EIF4EBP2: variants seen among roughly 807,000 people sequenced by gnomAD.
EIF4EBP2 encodes the protein eukaryotic translation initiation factor 4E binding protein 2.
Under a neutral mutation model 10.3 loss-of-function variants are expected in EIF4EBP2, and 5 were observed. The ratio of observed to expected loss-of-function variants is 0.48; its 90% CI spans 0.25 to 1.02. The LOEUF (loss-of-function observed/expected upper bound fraction) is 1.02. Among genes scored for constraint, EIF4EBP2 ranks in the 50% least tolerant of loss-of-function variants. The pLI, the probability that EIF4EBP2 is intolerant of heterozygous loss-of-function variation, is 0.15. For missense variants in EIF4EBP2, 188 were observed against 162.2 expected (o/e 1.16, Z -0.86); for synonymous variants, 67 against 61.1 (o/e 1.10, Z -0.45).
intron 1 of EIF4EBP2, among the ~76,000 whole-genome samples, chr10:70,411,845 C>T (rs539211150): frequency 6.6e-6 from 1 of 152,300 alleles, no homozygotes; most frequent in East Asian, 1.9e-4. Context: ...GTATATACTT[C>T]TGTCTCCTAT....
At chr10:70,410,208 T>A (rs1392902617) in intron 1 of EIF4EBP2, among the ~76,000 whole-genome samples, 1 of 152,116 alleles carries the variant, frequency 6.6e-6, no homozygotes, top group African/African-American at 2.4e-5. Context: ...TAGCTGGGAT[T>A]ACGGGCGCCC....
chr10:70,407,734 C>CCCCCA (rs1564660160), intron 1 of EIF4EBP2, among the ~76,000 whole-genome samples: 1 of 136,996 alleles, frequency 7.3e-6, no homozygotes, highest in African/African-American at 2.7e-5. Context: ...GGGCTGACCC[C>CCCCCA]CCCCCCACCT....
chr10:70,406,770 T>C (rs1047040905), intron 1 of EIF4EBP2, among the ~76,000 whole-genome samples: 3 of 152,218 alleles, frequency 2.0e-5, no homozygotes, highest in Non-Finnish European at 4.4e-5. Flanking sequence ...TCACTTAACT[T>C]CCCCCGACAT....
intron 1 of EIF4EBP2, among the ~76,000 whole-genome samples, chr10:70,406,201 T>C (rs1284960645): frequency 6.6e-6 from 1 of 152,208 alleles, no homozygotes; most frequent in Non-Finnish European, 1.5e-5. Context: ...AGGCTCGTCC[T>C]GGGCTCAAGT....
At chr10:70,415,392 A>T (rs1845083766) in intron 1 of EIF4EBP2, among the ~76,000 whole-genome samples, 1 of 152,232 alleles carries the variant, frequency 6.6e-6, no homozygotes. Context: ...CTTCACATTC[A>T]GCACAGTCCC....
chr10:70,405,533 C>T (rs763323135), intron 1 of EIF4EBP2, among the ~76,000 whole-genome samples: 1 of 152,222 alleles, frequency 6.6e-6, no homozygotes, highest in Non-Finnish European at 1.5e-5. Flanking sequence ...GGAACGGGGC[C>T]TCCTTTTTAA....
At chr10:70,407,307 GTGA>G (rs1258994277) in intron 1 of EIF4EBP2, among the ~76,000 whole-genome samples, 12 of 152,058 alleles carry the variant, frequency 7.9e-5, no homozygotes, top group Non-Finnish European at 1.5e-4. Context: ...TTAGGGAGTG[GTGA>G]TGACTCTTAA....
At chr10:70,407,438 C>A (rs1305102853) in intron 1 of EIF4EBP2, among the ~76,000 whole-genome samples, 9 of 152,138 alleles carry the variant, frequency 5.9e-5, no homozygotes, top group African/African-American at 1.9e-4. Flanking sequence ...GGGGTAAGGT[C>A]ACAGATCAAC....
intron 1 of EIF4EBP2, among the ~76,000 whole-genome samples, chr10:70,414,871 G>A (rs560276958): frequency 2.4e-4 from 36 of 151,298 alleles, no homozygotes; most frequent in Non-Finnish European, 4.6e-4. Context: ...CATCTCAAAA[G>A]CAAAAACAAA....
chr10:70,422,925 C>T lies in EIF4EBP2; in HGVS notation c.*1178C>T, dbSNP rs916021925. ...CATGGGCTTAAAAAATGTGTTCCTCCCAGTTTTCTTGCCTTTCCTGTTGTA... is the reference window on the plus strand; with the variant it reads ...CATGGGCTTAAAAAATGTGTTCCTCTCAGTTTTCTTGCCTTTCCTGTTGTA... On this transcript the variant is annotated 3_prime_UTR_variant, in exon 3 of 3. Coordinates refer to ENST00000373218, the MANE Select transcript of EIF4EBP2 (RefSeq NM_004096.5). 1.3e-5 allele frequency: 2 copies of T among 152,126 alleles called. No homozygotes were observed. The highest frequency in any genetic ancestry group is 4.8e-5 in the African/African-American group (2 of 41,380). 9.4% of individuals were successfully genotyped at this position (152,126 alleles called of 1,614,324 possible).
rs1421420453 is a variant in EIF4EBP2 at position 70,421,742 on chromosome 10, A to C, written c.358A>C (p.Ile120Leu). 9.3e-6 allele frequency: 15 copies of C among 1,613,292 alleles called. No individual in the cohort carries two copies. The highest frequency in any genetic ancestry group is 1.2e-5 in the Non-Finnish European group (14 of 1,179,860). The stretch of plus-strand genomic sequence containing the variant: ...GGATGATGCTCAGTTCGAGATGGAC[A>C]TCTGACTCTCCTGCAAGGATTAGAA... Reference protein sequence around the residue: ...VGDDAQFEMDI With the variant: ...VGDDAQFEMDL The change falls in exon 3 of 3, where the codon ATC becomes CTC. Residue 120 changes from isoleucine to leucine, a missense_variant. By Grantham distance (5) the Ile-to-Leu change is conservative. Transcript: ENST00000373218.
At chr10:70,406,114 T>C (rs949070836) in intron 1 of EIF4EBP2, among the ~76,000 whole-genome samples, 1 of 152,096 alleles carries the variant, frequency 6.6e-6, no homozygotes, top group African/African-American at 2.4e-5. Context: ...CCTGAGTAGC[T>C]GGACCACAGG....
chr10:70,418,510 G>A (rs1010795909), intron 1 of EIF4EBP2, among the ~76,000 whole-genome samples: 1 of 152,172 alleles, frequency 6.6e-6, no homozygotes, highest in African/African-American at 2.4e-5. Context: ...GCACCAACTT[G>A]ATAGGGCTTA....
intron 1 of EIF4EBP2, among the ~76,000 whole-genome samples, chr10:70,412,531 T>G (rs547042691): frequency 6.6e-6 from 1 of 152,302 alleles, no homozygotes; most frequent in South Asian, 2.1e-4. Context: ...ATGCATGGAT[T>G]ATTTATCATT....
At chr10:70,416,392 G>A (rs754326478) in intron 1 of EIF4EBP2, among the ~76,000 whole-genome samples, 2 of 151,910 alleles carry the variant, frequency 1.3e-5, no homozygotes, top group African/African-American at 2.4e-5. Context: ...CATCCTAGCC[G>A]ACATGGTGAA....
chr10:70,405,093 A>G (rs1327895195), intron 1 of EIF4EBP2, among the ~76,000 whole-genome samples: 1 of 152,070 alleles, frequency 6.6e-6, no homozygotes, highest in Non-Finnish European at 1.5e-5. Flanking sequence ...AGCATTGTTT[A>G]CTTTGCTGGA....
rs1205458942 is a variant in EIF4EBP2 at position 70,422,357 on chromosome 10, AC to A, written c.*613del. On this transcript the variant is annotated 3_prime_UTR_variant, in exon 3 of 3. Coordinates refer to ENST00000373218, the MANE Select transcript of EIF4EBP2 (RefSeq NM_004096.5). ...CAGCTTGTGCAACTCTGGTAGCGTT[AC>A]CCTGTGACACTGTTTTGAGGTCCAC... 6.6e-6 allele frequency: 1 copy of A among 152,314 alleles called. No homozygotes were observed. Among genetic ancestry groups the A allele is most frequent in the Non-Finnish European group, 1.5e-5 (1 of 68,106 alleles). 9.4% of individuals were successfully genotyped at this position (152,314 alleles called of 1,614,324 possible).
intron 1 of EIF4EBP2, among the ~76,000 whole-genome samples, chr10:70,412,930 A>C (rs139092322): frequency 2.0e-5 from 3 of 152,358 alleles, no homozygotes; most frequent in African/African-American, 4.8e-5. Context: ...CAAAGCAGAA[A>C]AATGAAACTT....
intron 1 of EIF4EBP2, among the ~76,000 whole-genome samples, chr10:70,419,209 C>T (rs1053622450): frequency 1.3e-5 from 2 of 152,186 alleles, no homozygotes; most frequent in South Asian, 2.1e-4. Flanking sequence ...TTAGTGATGT[C>T]GAGCACCTTT....
Sources: gnomAD v4.1 joint callset for allele counts (sites outside exome capture counted in the v4.1 genomes callset) on GRCh38, gnomAD v4.1.1 for gene constraint, MANE v1.5 for transcripts, NCBI Gene and HGNC (gene_info 2026-07-23, HGNC 2026-07-21) for gene names.